The following ACADM variants were observed in gnomAD, a reference collection of about 807,000 sequenced individuals.
The protein encoded by ACADM is acyl-CoA dehydrogenase medium chain.
A neutral mutation model predicts 58.9 loss-of-function variants in ACADM; 49 were observed. The observed-to-expected ratio is 0.83, with a 90% confidence interval of 0.66 to 1.06. ACADM has a LOEUF of 1.06. Among genes scored for constraint, ACADM ranks in the 50% least tolerant of loss-of-function variants. The probability of loss-of-function intolerance (pLI) is 0.00; values close to 1 mark genes in which losing one functional copy is unlikely to be tolerated. For synonymous variants in ACADM, 160 were observed against 157.7 expected, an observed-to-expected ratio of 1.01 and a Z score of -0.11; for missense variants, 496 against 507.0, an observed-to-expected ratio of 0.98 and a Z score of 0.21.
chr1:75,743,809 G>A (rs1408262028), intron 7 of ACADM: 7 of 1,483,606 alleles, frequency 4.7e-6, no homozygotes, highest in Non-Finnish European at 6.6e-6. Context: ...ACCCTGTGGG[G>A]TGGCCACTGC....
At chr1:75,744,466 C>G (rs1647774391) in intron 7 of ACADM, 2 of 1,531,468 alleles carry the variant, frequency 1.3e-6, no homozygotes, top group African/African-American at 1.4e-5. Flanking sequence ...TTCAATCTCA[C>G]AAACCACTTC....
chr1:75,750,996 G>T (rs1648169986), intron 10 of ACADM: 1 of 236,010 alleles, frequency 4.2e-6, no homozygotes, highest in Non-Finnish European at 8.4e-6. Flanking sequence ...CTCCCATAGT[G>T]CTGGGATTAC....
intron 7 of ACADM, 67 bp from the exon 8 acceptor site, chr1:75,745,728 AGAGAATTAACT>A (rs1451347624): frequency 6.6e-6 from 7 of 1,067,438 alleles, no homozygotes; most frequent in Non-Finnish European, 1.0e-5. Flanking sequence ...GGGATTGTTA[AGAGAATTAACT>A]GAGAGAGCAA....
In ACADM at chr1:75,728,485, T is replaced by C. The variant is rs1458972312; in HGVS notation, c.115T>C (p.Phe39Leu). Residue 39 changes from phenylalanine to leucine, a missense_variant, in exon 2 of 12, where the codon TTT becomes CTT. Transcript: ENST00000370841. ...ACGTGAACCAGGATTAGGATTTAGT[T>C]TTGGTATATGTTCGGTTCTATCTTT... ...RQREPGLGFS[F>L]EFTEQQKEFQ... 7 of 1,609,996 alleles carry C rather than the reference T, an allele frequency of 4.3e-6. No individual in the cohort carries two copies. The highest frequency in any genetic ancestry group is 5.9e-6 in the Non-Finnish European group (7 of 1,176,646).
chr1:75,733,032 C>T, intron 4 of ACADM, 110 bp downstream of exon 4: 1 of 1,613,338 alleles, frequency 6.2e-7, no homozygotes, highest in Non-Finnish European at 8.5e-7. Context: ...TGACTTTCTA[C>T]CTTTGTCTTC....
At chr1:75,738,365 C>T (rs752842010) in intron 6 of ACADM, among the ~76,000 whole-genome samples, 38 of 151,942 alleles carry the variant, frequency 2.5e-4, no homozygotes, top group Non-Finnish European at 4.3e-4. Flanking sequence ...GGATTACAGG[C>T]GCCCGCCACC....
In ACADM at chr1:75,753,024, A is replaced by C. The variant is rs893190555; in HGVS notation, c.945+2478A>C. ...AGCTCGTACATTGATCTCACACATT[A>C]AGAAACTCCGTACATTCCAGTCTGG... On this transcript the variant is annotated intron_variant, in intron 10 of 11. Coordinates refer to ENST00000370841, the MANE Select transcript of ACADM (RefSeq NM_000016.6). Among the ~76,000 whole-genome samples, 18 of 152,296 alleles carry C rather than the reference A, an allele frequency of 1.2e-4. No homozygotes were observed. In the South Asian group the frequency reaches 3.1e-3, roughly 26 times the overall value.
chr1:75,733,025 CT>C (rs1647174834), intron 4 of ACADM, 103 bp downstream of exon 4: 1 of 1,613,312 alleles, frequency 6.2e-7, no homozygotes, highest in South Asian at 1.1e-5. Context: ...CATTAAATGA[CT>C]TTCTACCTTT....
intron 8 of ACADM, among the ~76,000 whole-genome samples, chr1:75,748,768 A>G (rs1164623602): frequency 6.6e-6 from 1 of 152,228 alleles, no homozygotes; most frequent in Admixed American, 6.5e-5. Context: ...TTGGGGTTCT[A>G]AAGTACTCTG....
At chr1:75,735,127 C>A (rs1188972814) in intron 6 of ACADM, among the ~76,000 whole-genome samples, 1 of 151,894 alleles carries the variant, frequency 6.6e-6, no homozygotes, top group Non-Finnish European at 1.5e-5. Context: ...CACAGCCTGG[C>A]TAACGTGGTG....
At chr1:75,728,297 GTATGGTCAAA>G in intron 1 of ACADM, 94 bp from the exon 2 acceptor site, 1 of 839,420 alleles carries the variant, frequency 1.2e-6, no homozygotes, top group Non-Finnish European at 1.8e-6. Flanking sequence ...AAAACTATGA[GTATGGTCAAA>G]CCAGTTGCTG....
chr1:75,743,088 A>G (rs1011343926), intron 7 of ACADM, among the ~76,000 whole-genome samples: 1 of 152,208 alleles, frequency 6.6e-6, no homozygotes, highest in Non-Finnish European at 1.5e-5. Flanking sequence ...GTTTCTCTAT[A>G]GTATACCAGC....
At chr1:75,760,515 A>C (rs182345218) in intron 10 of ACADM, among the ~76,000 whole-genome samples, 2 of 129,564 alleles carry the variant, frequency 1.5e-5, no homozygotes, top group East Asian at 5.6e-4. Context: ...ATTGCATTCC[A>C]GCCTGGAAAA....
intron 1 of ACADM, 149 bp downstream of exon 1, chr1:75,724,966 C>T: frequency 1.6e-6 from 1 of 630,658 alleles, no homozygotes. Flanking sequence ...AACCTGCTTT[C>T]ACGCCTCCTA....
At chr1:75,761,502 A>C (rs1229655071) in intron 11 of ACADM, 132 bp downstream of exon 11, 8 of 942,168 alleles carry the variant, frequency 8.5e-6, no homozygotes, top group Non-Finnish European at 1.3e-5. Context: ...GCTGTGAGCC[A>C]GTTTTTGGAA....
chr1:75,737,826 T>C (rs1018132524), intron 6 of ACADM, among the ~76,000 whole-genome samples: 1 of 152,196 alleles, frequency 6.6e-6, no homozygotes, highest in African/African-American at 2.4e-5. Context: ...CAGTTCATAC[T>C]GTAATAGGTG....
At position 75,732,631 on chromosome 1, in the gene ACADM, A is replaced by G; in HGVS notation, c.119-13A>G. Reference sequence around the variant, plus strand: ...TTATCCAGTTTTAACTTTTCTAAATAATTTTCCCTTAGAGTTCACCGAACA... The same window carrying G: ...TTATCCAGTTTTAACTTTTCTAAATGATTTTCCCTTAGAGTTCACCGAACA... On this transcript the variant is annotated splice_polypyrimidine_tract_variant and intron_variant, in intron 2 of 11. Transcript: ENST00000370841. The G allele has an allele frequency of 6.2e-7, 1 of 1,604,582 alleles. No homozygotes were observed. The highest frequency in any genetic ancestry group is 8.5e-7 in the Non-Finnish European group (1 of 1,171,350).
At chr1:75,749,798 C>T (rs554321985) in intron 9 of ACADM, among the ~76,000 whole-genome samples, 2 of 146,794 alleles carry the variant, frequency 1.4e-5, no homozygotes, top group African/African-American at 5.0e-5. Flanking sequence ...TTGCAACCTT[C>T]ACGTCCTGGG....
intron 1 of ACADM, among the ~76,000 whole-genome samples, chr1:75,726,698 C>T (rs577224963): frequency 3.6e-4 from 55 of 152,054 alleles, no homozygotes; most frequent in African/African-American, 5.1e-4. Context: ...TAATCCTAGA[C>T]TTGACCTGGG....
Sources: gnomAD v4.1 joint callset for allele counts (sites outside exome capture counted in the v4.1 genomes callset) on GRCh38, gnomAD v4.1.1 for gene constraint, MANE v1.5 for transcripts, NCBI Gene and HGNC (gene_info 2026-07-23, HGNC 2026-07-21) for gene names.